COL11A2: variants seen among roughly 807,000 people sequenced by gnomAD.
The protein encoded by COL11A2 is collagen type XI alpha 2 chain.
Under a neutral mutation model 273.4 loss-of-function variants are expected in COL11A2, and 116 were observed. The observed-to-expected ratio is 0.42, with a 90% CI of 0.36 to 0.49. The LOEUF is 0.49. Ranked by LOEUF, COL11A2 falls within the 20% of genes least tolerant of loss-of-function variation. The pLI, the probability that COL11A2 is intolerant of heterozygous loss-of-function variation, is 0.00. For missense variants in COL11A2, 1,866 were observed against 2,309.0 expected, an observed-to-expected ratio of 0.81 and a Z score of 3.93; for synonymous variants, 782 against 864.2, an observed-to-expected ratio of 0.90 and a Z score of 1.67.
Position 33,169,495 on chromosome 6 carries a change from A to G in COL11A2, c.3691-5T>C, listed in dbSNP as rs1369467767. 6.2e-7 allele frequency: 1 copy of G among 1,612,492 alleles called. No homozygotes were observed. Among genetic ancestry groups the G allele is most frequent in the South Asian group, 1.1e-5 (1 of 91,078 alleles). On this transcript the variant is annotated splice_polypyrimidine_tract_variant and splice_region_variant and intron_variant, in intron 50 of 65. Transcript: ENST00000341947. The surrounding 1 kb of genome is among the most constrained non-coding windows in gnomAD (Gnocchi z 5.5). ...TCCACGTTCCCCGCGTGGACCCTGC[A>G]GAACAAGCGGAGGACACAGATGGCC...
Position 33,173,514 on chromosome 6 carries a change from C to T in COL11A2, c.2670G>A (p.Pro890=), listed in dbSNP as rs267600982. 1.6e-5 allele frequency: 25 copies of T among 1,608,966 alleles called. No homozygotes were observed. Among genetic ancestry groups the T allele is most frequent in the African/African-American group, 2.7e-5 (2 of 73,408 alleles). The change falls in exon 36 of 66, where the codon CCG becomes CCA. Residue 890 remains proline, a synonymous_variant. Coordinates refer to ENST00000341947, the MANE Select transcript of COL11A2 (RefSeq NM_080680.3). This position sits in a 1 kb window ranked among gnomAD's most constrained non-coding sequence, Gnocchi z 6.3. ...GGGGTCAACTTACCGGGGGTCCTTT[C>T]GGTCCAGGAAACCCGTTGGGACCCT... The part of the protein sequence containing the change: ...GPQGPNGFPG[P]KGPPGPPGKD...
In COL11A2 at chr6:33,163,805, C is replaced by A; in HGVS notation, c.5084G>T (p.Arg1695Leu). 3 of 1,613,002 alleles carry A rather than the reference C, an allele frequency of 1.9e-6. No homozygotes were observed. Among genetic ancestry groups the A allele is most frequent in the Non-Finnish European group, 2.5e-6 (3 of 1,179,984 alleles). ...AGGCGTTCGCACCTCCAGCACCGTCCGGCCTTGCTGTGTCTTCAGGGGGAG... is the reference window on the plus strand; with the variant it reads ...AGGCGTTCGCACCTCCAGCACCGTCAGGCCTTGCTGTGTCTTCAGGGGGAG... ...FRDGCQTQQG[R>L]TVLEVRTPVL... Residue 1695 changes from arginine to leucine, a missense_variant, in exon 66 of 66, where the codon CGG becomes CTG. By Grantham distance (102) the Arg-to-Leu change is moderately radical (BLOSUM62 -2). Coordinates refer to ENST00000341947, the MANE Select transcript of COL11A2 (RefSeq NM_080680.3). This position sits in a 1 kb window ranked among gnomAD's most constrained non-coding sequence, Gnocchi z 4.1.
intron 4 of COL11A2, among the ~76,000 whole-genome samples, 155 bp from the exon 5 acceptor site, chr6:33,186,973 C>G (rs1772498518): frequency 6.6e-6 from 1 of 152,156 alleles, no homozygotes; most frequent in African/African-American, 2.4e-5. Flanking sequence ...TTTCAGTTTT[C>G]AAGGGATCTC....
chr6:33,180,696 G>C lies in COL11A2; in HGVS notation c.1256C>G (p.Pro419Arg), dbSNP rs1332485470. 6.2e-7 allele frequency: 1 copy of C among 1,610,986 alleles called. No individual in the cohort carries two copies. Among genetic ancestry groups the C allele is most frequent in the African/African-American group, 1.3e-5 (1 of 74,868 alleles). Reference sequence around the variant, plus strand: ...CTCTCCAGGGTCTCCAACTGGGCCTGGGTTCCCCTGGATGCCAGGGGGACC... The same window carrying C: ...CTCTCCAGGGTCTCCAACTGGGCCTCGGTTCCCCTGGATGCCAGGGGGACC... ...LIGPPGIQGN[P>R]GPVGDPGERG... is the part of the protein sequence containing the mutation. The change falls in exon 11 of 66, where the codon CCA becomes CGA. Residue 419 changes from proline to arginine, a missense_variant. Transcript: ENST00000341947.
Position 33,166,381 on chromosome 6 carries a change from G to T in COL11A2, c.4392+132C>A. The T allele has an allele frequency of 7.8e-7, 1 of 1,275,190 alleles. No homozygotes were observed. The highest frequency in any genetic ancestry group is 1.1e-6 in the Non-Finnish European group (1 of 911,364). The allele number at this position is 1,275,190 out of a possible 1,614,324, so 79.0% of individuals were successfully genotyped here. The stretch of plus-strand genomic sequence containing the variant: ...GAAGTATGGGGAGGAGGTACTGGTG[G>T]TGACAGGACAAATGGGGGACCCTGA... On this transcript the variant is annotated intron_variant, in intron 60 of 65. Coordinates refer to ENST00000341947, the MANE Select transcript of COL11A2 (RefSeq NM_080680.3). This position sits in a 1 kb window ranked among gnomAD's most constrained non-coding sequence, Gnocchi z 4.8.
rs1291281836 is a variant in COL11A2, at chr6:33,178,813, G to A, written c.1666-81C>T. ...TCCCTACTGCACCCTGAGCTGGGGG[G>A]GTGCTGATCCTGGGGAAGCCTGGAG... is the stretch of plus-strand genomic sequence containing the variant. On this transcript the variant is annotated intron_variant, in intron 17 of 65. Transcript: ENST00000341947. The surrounding 1 kb of genome is among the most constrained non-coding windows in gnomAD (Gnocchi z 4.6). 4 of 1,606,358 alleles carry A rather than the reference G, an allele frequency of 2.5e-6. No homozygotes were observed. Among genetic ancestry groups the A allele is most frequent in the Non-Finnish European group, 3.4e-6 (4 of 1,174,276 alleles).
At chr6:33,188,277 G>T in intron 4 of COL11A2, 85 bp downstream of exon 4, 2 of 1,496,030 alleles carry the variant, frequency 1.3e-6, no homozygotes, top group Non-Finnish European at 1.9e-6. Context: ...CTAGGGAATA[G>T]GAAGATGACA....
chr6:33,192,104 GAC>G, intron 1 of COL11A2, 53 bp downstream of exon 1: 2 of 1,501,870 alleles, frequency 1.3e-6, no homozygotes, highest in Non-Finnish European at 1.8e-6. Flanking sequence ...CCTTCCCAGA[GAC>G]ACTCAGAGCT....
In COL11A2 at chr6:33,177,461, G is replaced by T. The variant is rs1771085146; in HGVS notation, c.1922C>A (p.Pro641His). The T allele has an allele frequency of 6.2e-7, 1 of 1,612,776 alleles. No individual in the cohort carries two copies. The highest frequency in any genetic ancestry group is 1.3e-5 in the African/African-American group (1 of 74,896). The change falls in exon 23 of 66, where the codon CCC becomes CAC. Residue 641 changes from proline to histidine, a missense_variant. Coordinates refer to ENST00000341947, the MANE Select transcript of COL11A2 (RefSeq NM_080680.3). This position sits in a 1 kb window ranked among gnomAD's most constrained non-coding sequence, Gnocchi z 5.9. ...TCCAGGAGGTCCTGGCTCTCCCTGG[G>T]GTCCCTAGAAACAGGTGACCAGGCA... ...GPQGPKGSLG[P>H]QGEPGPPGQQ... is the part of the protein sequence containing the mutation.
chr6:33,175,780 G>A (rs992214662), intron 29 of COL11A2, 99 bp from the exon 30 acceptor site: 1 of 1,245,708 alleles, frequency 8.0e-7, no homozygotes. Flanking sequence ...GGGCTAGAGG[G>A]GTCCCAGGAG....
chr6:33,169,560 G>GA lies in COL11A2; in HGVS notation c.3691-71dup. On this transcript the variant is annotated intron_variant, in intron 50 of 65. Coordinates refer to ENST00000341947, the MANE Select transcript of COL11A2 (RefSeq NM_080680.3). This position sits in a 1 kb window ranked among gnomAD's most constrained non-coding sequence, Gnocchi z 5.5. ...GATCAGGGATGCAGCCTCTGCTTCC[G>GA]AGACACCTTCAGCCATCCCCTACTC... The GA allele has an allele frequency of 4.1e-6, 6 of 1,458,806 alleles. No homozygotes were observed. The South Asian group carries it at 6.9e-5, about 17-fold the overall frequency. 90.4% of individuals were successfully genotyped at this position (1,458,806 alleles called of 1,614,324 possible).
In COL11A2 at chr6:33,165,287, G is replaced by T. The variant is rs1768951145; in HGVS notation, c.4750+262C>A. Among the ~76,000 whole-genome samples, 1 of 152,136 alleles carries T rather than the reference G, an allele frequency of 6.6e-6. No individual in the cohort carries two copies. Among genetic ancestry groups the T allele is most frequent in the African/African-American group, 2.4e-5 (1 of 41,410 alleles). On this transcript the variant is annotated intron_variant, in intron 63 of 65. Coordinates refer to ENST00000341947, the MANE Select transcript of COL11A2 (RefSeq NM_080680.3). This position sits in a 1 kb window ranked among gnomAD's most constrained non-coding sequence, Gnocchi z 7.7. Reference sequence around the variant, plus strand: ...CGCTCACACAGATTCATCTGTTCAGGTGCAAACAGGTGTGTGCACGTATGT... The same window carrying T: ...CGCTCACACAGATTCATCTGTTCAGTTGCAAACAGGTGTGTGCACGTATGT...
rs1305208419 is a variant in COL11A2, at chr6:33,176,810, C to T, written c.2071-45G>A. The T allele has an allele frequency of 6.3e-7, 1 of 1,597,184 alleles. No individual in the cohort carries two copies. Among genetic ancestry groups the T allele is most frequent in the Non-Finnish European group, 8.6e-7 (1 of 1,169,440 alleles). ...AATGTGACCAGTGGCCCCTGTCACC[C>T]TCTCTGCACCCCTCCCTACACTTCT... On this transcript the variant is annotated intron_variant, in intron 25 of 65. Transcript: ENST00000341947. This position sits in a 1 kb window ranked among gnomAD's most constrained non-coding sequence, Gnocchi z 4.9.
rs1772862378 is a variant in COL11A2 at position 33,189,539 on chromosome 6, A to G, written c.83-70T>C. 1 of 1,593,148 alleles carries G rather than the reference A, an allele frequency of 6.3e-7. No homozygotes were observed. Among genetic ancestry groups the G allele is most frequent in the Non-Finnish European group, 8.6e-7 (1 of 1,165,830 alleles). ...AGGGCATAAATAGGGGACATTTGGG[A>G]TCTAGAACTCAGCTTTCCAGGGCTC... On this transcript the variant is annotated intron_variant, in intron 1 of 65. Coordinates refer to ENST00000341947, the MANE Select transcript of COL11A2 (RefSeq NM_080680.3). This position sits in a 1 kb window ranked among gnomAD's most constrained non-coding sequence, Gnocchi z 5.6.
In COL11A2 at chr6:33,164,918, G is replaced by A. The variant is rs1455846667; in HGVS notation, c.4797C>T (p.Phe1599=). 6.3e-7 allele frequency: 1 copy of A among 1,582,040 alleles called. No individual in the cohort carries two copies. The highest frequency in any genetic ancestry group is 8.6e-7 in the Non-Finnish European group (1 of 1,162,726). Residue 1599 remains phenylalanine, a synonymous_variant, in exon 64 of 66, where the codon TTC becomes TTT. Coordinates refer to ENST00000341947, the MANE Select transcript of COL11A2 (RefSeq NM_080680.3). This position sits in a 1 kb window ranked among gnomAD's most constrained non-coding sequence, Gnocchi z 4.7. ...CTGCTGTGAAGTTGCAGAAAACTCGGAAGGCATCCCGAGCACAGCCCTGGT... is the reference window on the plus strand; with the variant it reads ...CTGCTGTGAAGTTGCAGAAAACTCGAAAGGCATCCCGAGCACAGCCCTGGT... ...DPNQGCARDA[F]RVFCNFTAGG...
In COL11A2 at chr6:33,176,512, T is replaced by C. The variant is rs1269018457; in HGVS notation, c.2116-26A>G. On this transcript the variant is annotated intron_variant, in intron 26 of 65. Transcript: ENST00000341947. The surrounding 1 kb of genome is among the most constrained non-coding windows in gnomAD (Gnocchi z 4.9). ...CTGGAAGATAAAAGAGAGGCATTTA[T>C]AAAGGGGCCTCAGAGTGTCACTGTG... The C allele has an allele frequency of 6.2e-7, 1 of 1,603,270 alleles. No homozygotes were observed. Among genetic ancestry groups the C allele is most frequent in the African/African-American group, 1.3e-5 (1 of 74,606 alleles).
chr6:33,180,160 A>G, intron 12 of COL11A2, 98 bp downstream of exon 12: 1 of 1,222,522 alleles, frequency 8.2e-7, no homozygotes, highest in Non-Finnish European at 1.2e-6. Flanking sequence ...ATCTTTAGAG[A>G]CTCCTCCATA....
Position 33,186,755 on chromosome 6 carries a change from T to C in COL11A2, c.670A>G (p.Lys224Glu). The C allele has an allele frequency of 6.2e-7, 1 of 1,614,108 alleles. No homozygotes were observed. Among genetic ancestry groups the C allele is most frequent in the Non-Finnish European group, 8.5e-7 (1 of 1,180,014 alleles). ...TGGCCCCCCTCGCATTCCAGCTCCT[T>C]CTGTTCACATGATTCATAGGCTGCC... Reference protein sequence around the residue: ...VQAAYESCEQKELECEGGQRE... With the variant: ...VQAAYESCEQEELECEGGQRE... Residue 224 changes from lysine (K) to glutamate (E), a missense_variant, in exon 5 of 66, where the codon AAG becomes GAG. Lys to Glu is a moderately conservative substitution (Grantham distance 56). Coordinates refer to ENST00000341947, the MANE Select transcript of COL11A2 (RefSeq NM_080680.3).
Position 33,177,164 on chromosome 6 carries a change from A to G in COL11A2, c.2016+17T>C, listed in dbSNP as rs751593628. The G allele has an allele frequency of 1.2e-6, 2 of 1,612,936 alleles. No individual in the cohort carries two copies. The highest frequency in any genetic ancestry group is 1.7e-6 in the Non-Finnish European group (2 of 1,179,988). On this transcript the variant is annotated intron_variant, in intron 24 of 65. Transcript: ENST00000341947. The surrounding 1 kb of genome is among the most constrained non-coding windows in gnomAD (Gnocchi z 5.9). ...CCACTCTAAACCCCCTGTCCTCCAAATCACTTAGTCACTTACCTTCTCTCC... is the reference window on the plus strand; with the variant it reads ...CCACTCTAAACCCCCTGTCCTCCAAGTCACTTAGTCACTTACCTTCTCTCC...
Sources: gnomAD v4.1 joint callset for allele counts (sites outside exome capture counted in the v4.1 genomes callset) on GRCh38, gnomAD v4.1.1 for gene constraint, Gnocchi (gnomAD v3.1) non-coding constraint, MANE v1.5 for transcripts, NCBI Gene and HGNC (gene_info 2026-07-23, HGNC 2026-07-21) for gene names.